The following RELL1 variants were observed in gnomAD, a reference collection of about 807,000 sequenced individuals.
RELL1 encodes RELT-like protein 1.
RELL1 carries 10 observed loss-of-function variants against 23.0 expected under a neutral mutation model. The observed-to-expected ratio is 0.43, with a 90% CI of 0.27 to 0.74. RELL1 has a LOEUF of 0.74. RELL1 is among the 30% of genes least tolerant of loss of function. RELL1 has a pLI of 0.19. For synonymous variants in RELL1, 146 were observed against 146.8 expected (o/e 0.99, Z 0.04); for missense variants, 315 against 364.4 (o/e 0.86, Z 1.10).
chr4:37,629,115 G>A (rs1449734967), intron 6 of RELL1, among the ~76,000 whole-genome samples: 1 of 152,104 alleles, frequency 6.6e-6, no homozygotes, highest in Non-Finnish European at 1.5e-5. Context: ...GTTCCTAATC[G>A]AGGGCAAGCC....
chr4:37,646,069 C>G (rs891344344), intron 3 of RELL1, among the ~76,000 whole-genome samples: 1 of 152,176 alleles, frequency 6.6e-6, no homozygotes, highest in Non-Finnish European at 1.5e-5. Flanking sequence ...TATCAGTCCA[C>G]GAGCCCATGC....
chr4:37,593,416 C>T (rs1718710766), intron 6 of RELL1, among the ~76,000 whole-genome samples: 1 of 152,178 alleles, frequency 6.6e-6, no homozygotes, highest in Admixed American at 6.5e-5. Flanking sequence ...TGGTTTCCTT[C>T]TCAAGATCAC....
At chr4:37,668,629 G>A (rs1241015604) in intron 1 of RELL1, among the ~76,000 whole-genome samples, 3 of 151,904 alleles carry the variant, frequency 2.0e-5, no homozygotes, top group South Asian at 2.1e-4. Context: ...GCCTCTGCCC[G>A]GCCGCCACCC....
intron 6 of RELL1, among the ~76,000 whole-genome samples, chr4:37,620,323 T>C (rs1279918387): frequency 2.0e-5 from 3 of 152,242 alleles, no homozygotes; most frequent in African/African-American, 4.8e-5. Context: ...CTGGGTTATA[T>C]TCTCACAGCA....
At chr4:37,594,671 C>T (rs1196699256) in intron 6 of RELL1, among the ~76,000 whole-genome samples, 3 of 152,092 alleles carry the variant, frequency 2.0e-5, no homozygotes, top group Admixed American at 1.3e-4. Context: ...CCCAAAAAAA[C>T]GAAGAGAATT....
At chr4:37,605,790 A>AG (rs1491256083), downstream of RELL1, among the ~76,000 whole-genome samples, 53 of 81,630 alleles carry the variant, frequency 6.5e-4, 2 homozygotes, top group East Asian at 0.012. Context: ...AGAGAGAAAG[A>AG]AAGAGAAAGA....
intron 6 of RELL1, among the ~76,000 whole-genome samples, chr4:37,595,942 A>G (rs1718825586): frequency 6.6e-6 from 1 of 152,178 alleles, no homozygotes; most frequent in African/African-American, 2.4e-5. Context: ...AAGGGTGTAT[A>G]TTCGTGTAAT....
At chr4:37,620,032 A>G (rs970386365) in intron 6 of RELL1, among the ~76,000 whole-genome samples, 1 of 152,196 alleles carries the variant, frequency 6.6e-6, no homozygotes, top group African/African-American at 2.4e-5. Flanking sequence ...ATAACCCCCA[A>G]TTTGAGAAGG....
intron 1 of RELL1, among the ~76,000 whole-genome samples, chr4:37,664,080 C>CA (rs1721447835): frequency 6.6e-6 from 1 of 151,970 alleles, no homozygotes; most frequent in Admixed American, 6.5e-5. Context: ...ATTTTAACTG[C>CA]AAAAAACAAA....
At chr4:37,605,526 G>A (rs1042523132) in intron 6 of RELL1, among the ~76,000 whole-genome samples, 3 of 152,024 alleles carry the variant, frequency 2.0e-5, no homozygotes, top group African/African-American at 7.2e-5. Context: ...TGGATCACTT[G>A]AGGCCAGGAG....
chr4:37,669,217 C>G (rs1471747660), intron 1 of RELL1, among the ~76,000 whole-genome samples: 1 of 133,732 alleles, frequency 7.5e-6, no homozygotes, highest in Admixed American at 7.2e-5. Flanking sequence ...GGCCAGCCGC[C>G]CCGTCCGGGA....
At chr4:37,669,573 A>G (rs374593004) in intron 1 of RELL1, among the ~76,000 whole-genome samples, 2,124 of 152,184 alleles carry the variant, frequency 0.014, 45 homozygotes, top group African/African-American at 0.049. Flanking sequence ...TGACAATGGC[A>G]GTTTTGTGGA....
intron 4 of RELL1, among the ~76,000 whole-genome samples, chr4:37,636,032 T>C (rs1366884205): frequency 2.6e-5 from 4 of 152,250 alleles, no homozygotes; most frequent in African/African-American, 4.8e-5. Flanking sequence ...TATATGTATA[T>C]GTTAATGGAA....
intron 5 of RELL1, 69 bp downstream of exon 5, chr4:37,634,818 G>T: frequency 7.9e-7 from 1 of 1,260,820 alleles, no homozygotes; most frequent in Non-Finnish European, 1.2e-6. Flanking sequence ...CATCTGACAG[G>T]TAAGCAGAAG....
At chr4:37,600,713 G>T (rs534124827) in intron 6 of RELL1, among the ~76,000 whole-genome samples, 1 of 151,912 alleles carries the variant, frequency 6.6e-6, no homozygotes, top group South Asian at 2.1e-4. Flanking sequence ...TGGAAGATTT[G>T]GGAGGGTTGA....
At chr4:37,610,480 A>G (rs888231638), downstream of RELL1, among the ~76,000 whole-genome samples, 1 of 152,034 alleles carries the variant, frequency 6.6e-6, no homozygotes. The surrounding 1 kb of genome is among the most constrained non-coding windows in gnomAD (Gnocchi z 4.1). Context: ...CAGGAGGGGA[A>G]ATCTCATGAG....
intron 6 of RELL1, among the ~76,000 whole-genome samples, chr4:37,624,585 G>A (rs961284311): frequency 4.0e-5 from 6 of 151,464 alleles, no homozygotes; most frequent in African/African-American, 9.7e-5. Context: ...CACCACGCCC[G>A]GCTAATTTTT....
intron 3 of RELL1, among the ~76,000 whole-genome samples, chr4:37,645,616 G>A (rs1300371678): frequency 6.6e-6 from 1 of 152,178 alleles, no homozygotes; most frequent in African/African-American, 2.4e-5. Context: ...AATATCGTGT[G>A]GTTGAAAAGG....
At chr4:37,680,930 TCAAA>T (rs1722197431) in intron 1 of RELL1, among the ~76,000 whole-genome samples, 1 of 64,842 alleles carries the variant, frequency 1.5e-5, no homozygotes, top group Admixed American at 2.1e-4. Flanking sequence ...ACACTCCATC[TCAAA>T]AAAAAAAAAA....
Sources: allele counts gnomAD v4.1 joint callset (sites outside exome capture counted in the v4.1 genomes callset), GRCh38; gene constraint gnomAD v4.1.1; non-coding constraint Gnocchi (gnomAD v3.1); transcripts MANE v1.5; gene names NCBI Gene and HGNC (gene_info 2026-07-23, HGNC 2026-07-21).